Variants in MEF2C observed in about 807,000 individuals in gnomAD.
The protein encoded by MEF2C is myocyte enhancer factor 2C, also known as myocyte-specific enhancer factor 2C.
Under a neutral mutation model 50.5 loss-of-function variants are expected in MEF2C, and 6 were observed. That is an observed-to-expected ratio of 0.12 (90% CI 0.07 to 0.23). The LOEUF is 0.23. MEF2C is among the 10% of genes least tolerant of loss of function. MEF2C has a pLI of 1.00. For missense variants in MEF2C, 276 were observed against 605.0 expected (o/e 0.46, Z 5.70); for synonymous variants, 183 against 228.0 (o/e 0.80, Z 1.78).
chr5:88,766,926 A>G (rs1054466699), intron 3 of MEF2C: 5 of 464,386 alleles, frequency 1.1e-5, no homozygotes, highest in Non-Finnish European at 1.4e-5. Flanking sequence ...TATGAAGATA[A>G]GTATCTACTC....
At chr5:88,757,533 A>G (rs980694563) in intron 4 of MEF2C, among the ~76,000 whole-genome samples, 4 of 152,066 alleles carry the variant, frequency 2.6e-5, no homozygotes, top group African/African-American at 4.8e-5. Context: ...TCCAACTCCT[A>G]TTCCTCATGA....
At chr5:88,739,959 A>T (rs991250085) in intron 6 of MEF2C, 1 of 985,108 alleles carries the variant, frequency 1.0e-6, no homozygotes, top group Non-Finnish European at 1.2e-6. Flanking sequence ...TTCTTAGGGA[A>T]ATTATATAAT....
At chr5:88,767,682 G>C (rs991487284) in intron 3 of MEF2C, among the ~76,000 whole-genome samples, 2 of 152,068 alleles carry the variant, frequency 1.3e-5, no homozygotes, top group South Asian at 4.1e-4. Flanking sequence ...ATTTTTATAT[G>C]CTTCCTCAAA....
chr5:88,866,430 G>A (rs1163878665), intron 1 of MEF2C, among the ~76,000 whole-genome samples: 1 of 152,152 alleles, frequency 6.6e-6, no homozygotes, highest in African/African-American at 2.4e-5. Context: ...AGAAATATCT[G>A]AGTCCCATTT....
chr5:88,752,157 T>A, intron 4 of MEF2C, 114 bp from the exon 5 acceptor site: 1 of 941,808 alleles, frequency 1.1e-6, no homozygotes, highest in Non-Finnish European at 1.5e-6. Context: ...AACTACTTTG[T>A]GTCTAGAAGA....
At chr5:88,872,263 T>C (rs549762553) in intron 1 of MEF2C, among the ~76,000 whole-genome samples, 54 of 152,182 alleles carry the variant, frequency 3.5e-4, no homozygotes, top group African/African-American at 1.2e-3. Flanking sequence ...AACTGAACTT[T>C]CATTAAGACT....
intron 7 of MEF2C, 77 bp from the exon 8 acceptor site, chr5:88,730,311 G>T: frequency 6.8e-7 from 1 of 1,470,272 alleles, no homozygotes; most frequent in Non-Finnish European, 9.3e-7. Context: ...TTCAACAAAA[G>T]GAAAAGCATC....
At chr5:88,843,360 A>T (rs1451961193) in intron 1 of MEF2C, 2 of 985,190 alleles carry the variant, frequency 2.0e-6, no homozygotes, top group East Asian at 1.1e-4. Context: ...CCCCAAAAAA[A>T]ACCCTCAAAG....
intron 6 of MEF2C, chr5:88,743,282 C>A: frequency 1.0e-6 from 1 of 985,082 alleles, no homozygotes; most frequent in African/African-American, 1.7e-5. Flanking sequence ...CTTGTTAAAG[C>A]CAACTTTTTA....
chr5:88,732,036 G>A, intron 6 of MEF2C, 135 bp from the exon 7 acceptor site: 2 of 785,804 alleles, frequency 2.5e-6, no homozygotes, highest in Non-Finnish European at 2.0e-6. Context: ...TGACTGATTT[G>A]ACCTCCATGG....
chr5:88,875,958 A>G (rs1212374295), intron 1 of MEF2C, among the ~76,000 whole-genome samples: 2 of 151,972 alleles, frequency 1.3e-5, no homozygotes, highest in Non-Finnish European at 2.9e-5. Flanking sequence ...TCTACCTGAA[A>G]AACTGTGGAT....
Position 88,722,440 on chromosome 5 carries a change from G to A in MEF2C, c.*164C>T, listed in dbSNP as rs536118906. ...CAGCATTTCTGTTTATCTTTATACTGTATCACTGAGGCAATTTAAAAGTAC... is the reference window on the plus strand; with the variant it reads ...CAGCATTTCTGTTTATCTTTATACTATATCACTGAGGCAATTTAAAAGTAC... On this transcript the variant is annotated 3_prime_UTR_variant, in exon 11 of 11. Transcript: ENST00000504921. The A allele has an allele frequency of 1.1e-5, 7 of 613,718 alleles. No homozygotes were observed. Among genetic ancestry groups the A allele is most frequent in the Non-Finnish European group, 2.0e-5 (7 of 350,658 alleles). 38.0% of individuals were successfully genotyped at this position (613,718 alleles called of 1,614,324 possible).
chr5:88,734,882 G>C (rs975381818), intron 6 of MEF2C: 1 of 978,800 alleles, frequency 1.0e-6, no homozygotes, highest in Non-Finnish European at 1.2e-6. Context: ...GAACCATGAT[G>C]ACACTTCTTA....
intron 3 of MEF2C, chr5:88,771,465 C>T: frequency 1.0e-6 from 1 of 985,386 alleles, no homozygotes; most frequent in Non-Finnish European, 1.2e-6. Context: ...CTCAGGAACT[C>T]CCTTTTCTGT....
intron 6 of MEF2C, chr5:88,734,385 G>A: frequency 1.0e-6 from 1 of 985,284 alleles, no homozygotes; most frequent in Non-Finnish European, 1.2e-6. Context: ...AATGAAGCTT[G>A]AATAGATCAG....
At chr5:88,728,746 T>C (rs1416158051) in intron 9 of MEF2C, 118 bp from the exon 10 acceptor site, 2 of 776,146 alleles carry the variant, frequency 2.6e-6, no homozygotes, top group Non-Finnish European at 3.6e-6. Context: ...TTATTATAGA[T>C]ATTTTTAATT....
intron 1 of MEF2C, among the ~76,000 whole-genome samples, chr5:88,902,184 AATAC>A (rs201966192): frequency 0.18 from 26,506 of 151,408 alleles, 2,616 homozygotes; most frequent in Non-Finnish European, 0.23. Flanking sequence ...AAGTGCATGA[AATAC>A]ATACTAATTC....
At chr5:88,732,270 G>C (rs560170117) in intron 6 of MEF2C, among the ~76,000 whole-genome samples, 38 of 152,248 alleles carry the variant, frequency 2.5e-4, no homozygotes, top group African/African-American at 8.4e-4. Context: ...TGGCTGGCGT[G>C]ACTCACTCTT....
intron 3 of MEF2C, among the ~76,000 whole-genome samples, chr5:88,796,844 A>G (rs1471133121): frequency 2.0e-5 from 3 of 152,178 alleles, no homozygotes; most frequent in Non-Finnish European, 4.4e-5. Flanking sequence ...CATTGGTTTC[A>G]AAGAACTTAC....
Sources: allele counts gnomAD v4.1 joint callset (sites outside exome capture counted in the v4.1 genomes callset), GRCh38; gene constraint gnomAD v4.1.1; transcripts MANE v1.5; gene names NCBI Gene and HGNC (gene_info 2026-07-23, HGNC 2026-07-21).